The following SLC25A1 variants were observed in gnomAD, a reference collection of about 807,000 sequenced individuals.
The protein encoded by SLC25A1 is solute carrier family 25 member 1.
Under a neutral mutation model 38.1 loss-of-function variants are expected in SLC25A1, and 26 were observed. The observed-to-expected ratio is 0.68, with a 90% CI of 0.50 to 0.95. The LOEUF (loss-of-function observed/expected upper bound fraction) is 0.95, where lower values mean the gene tolerates loss of function less well. Ranked by LOEUF, SLC25A1 falls within the 40% of genes least tolerant of loss-of-function variation. SLC25A1 has a pLI of 0.00. For synonymous variants in SLC25A1, 211 were observed against 183.2 expected (o/e 1.15, Z -1.23); for missense variants, 378 against 426.6 (o/e 0.89, Z 1.00).
At chr22:19,176,729 C>G (rs912225982) in intron 6 of SLC25A1, 36 bp from the exon 7 acceptor site, 1 of 1,596,516 alleles carries the variant, frequency 6.3e-7, no homozygotes, top group Non-Finnish European at 8.6e-7. Flanking sequence ...TCAGAGGGTG[C>G]CGGGAGGGGC....
At position 19,178,126 on chromosome 22, in the gene SLC25A1, T is replaced by G. The variant is rs1601402431; in HGVS notation, c.202+7A>C. On this transcript the variant is annotated splice_region_variant and intron_variant, in intron 2 of 8. Transcript: ENST00000215882. The surrounding 1 kb of genome is among the most constrained non-coding windows in gnomAD (Gnocchi z 4.9). ...CCCCCGCGGCGCCGCGGCCTCCCCC[T>G]CCTCACCGATGCCCCGGTACCGCGG... 2 of 1,539,900 alleles carry G rather than the reference T, an allele frequency of 1.3e-6. No homozygotes were observed. Among genetic ancestry groups the G allele is most frequent in the Non-Finnish European group, 1.8e-6 (2 of 1,142,820 alleles).
rs566855654 is a variant in SLC25A1, at chr22:19,176,772, C to A, written c.631+74G>T. The A allele has an allele frequency of 2.9e-5, 47 of 1,597,730 alleles. No homozygotes were observed. In the East Asian group the frequency reaches 9.2e-4, roughly 31 times the overall value. On this transcript the variant is annotated intron_variant, in intron 6 of 8. Transcript: ENST00000215882. ...AGCACTTCAAAAGGTGGGTGCCCGC[C>A]ACCCAGGGGTGGCCCCAAGGAGAGG...
rs1038478368 is a variant in SLC25A1 at position 19,176,128 on chromosome 22, G to C, written c.*2C>G. 1 of 1,612,836 alleles carries C rather than the reference G, an allele frequency of 6.2e-7. No homozygotes were observed. The highest frequency in any genetic ancestry group is 1.3e-5 in the African/African-American group (1 of 74,908). On this transcript the variant is annotated 3_prime_UTR_variant, in exon 9 of 9. Coordinates refer to ENST00000215882, the MANE Select transcript of SLC25A1 (RefSeq NM_005984.5). ...GGCGGTCCCCTTGCGGCCTCTCTAG[G>C]CTTAGTCCGTCTTCCACACTTTGTT...
chr22:19,178,069 C>T lies in SLC25A1; in HGVS notation c.203-28G>A. 1 of 1,554,844 alleles carries T rather than the reference C, an allele frequency of 6.4e-7. No individual in the cohort carries two copies. The highest frequency in any genetic ancestry group is 8.7e-7 in the Non-Finnish European group (1 of 1,152,010). On this transcript the variant is annotated intron_variant, in intron 2 of 8. Transcript: ENST00000215882. This position sits in a 1 kb window ranked among gnomAD's most constrained non-coding sequence, Gnocchi z 4.9. Reference sequence around the variant, plus strand: ...GGGGGAGGGGGCGGTCAGGACCCCACGGCCCTCGGTGCCGCCGCCCTGGGT... The same window carrying T: ...GGGGGAGGGGGCGGTCAGGACCCCATGGCCCTCGGTGCCGCCGCCCTGGGT...
rs2083947646 is a variant in SLC25A1 at position 19,175,699 on chromosome 22, G to C, written c.*431C>G. 1 of 213,112 alleles carries C rather than the reference G, an allele frequency of 4.7e-6. No homozygotes were observed. Among genetic ancestry groups the C allele is most frequent in the Non-Finnish European group, 9.4e-6 (1 of 106,362 alleles). The allele number at this position is 213,112 out of a possible 1,614,324, so 13.2% of individuals were successfully genotyped here. A position where few individuals can be genotyped will look rare whatever the true frequency, so the allele number is the denominator to read the frequency against. On this transcript the variant is annotated 3_prime_UTR_variant, in exon 9 of 9. Coordinates refer to ENST00000215882, the MANE Select transcript of SLC25A1 (RefSeq NM_005984.5). ...GTTAAGGCCAATGGCGGGAGAAGCA[G>C]GGGGCTGCAGCCCCTGGAATGCGGT...
chr22:19,175,647 CG>C lies in SLC25A1; in HGVS notation c.*482del. On this transcript the variant is annotated 3_prime_UTR_variant, in exon 9 of 9. Transcript: ENST00000215882. The stretch of plus-strand genomic sequence containing the variant: ...TGAGAGTGGTGGGTGCCACCCTGTC[CG>C]GGGCGGAGAGAGGGCCCGAGGGCCA... 1 of 214,870 alleles carries C rather than the reference CG, an allele frequency of 4.7e-6. No individual in the cohort carries two copies. Among genetic ancestry groups the C allele is most frequent in the South Asian group, 7.3e-5 (1 of 13,608 alleles). 13.3% of individuals were successfully genotyped at this position (214,870 alleles called of 1,614,324 possible).
At position 19,176,051 on chromosome 22, in the gene SLC25A1, A is replaced by T; in HGVS notation, c.*79T>A. On this transcript the variant is annotated 3_prime_UTR_variant, in exon 9 of 9. Coordinates refer to ENST00000215882, the MANE Select transcript of SLC25A1 (RefSeq NM_005984.5). ...ACGTGGGAAGGGGCCTTTTGGCACT[A>T]CTGCACTGGAATCGTGAGACAAAGG... 9.0e-7 allele frequency: 1 copy of T among 1,113,988 alleles called. No individual in the cohort carries two copies. Among genetic ancestry groups the T allele is most frequent in the Non-Finnish European group, 1.3e-6 (1 of 767,754 alleles). The allele number at this position is 1,113,988 out of a possible 1,614,324, so 69.0% of individuals were successfully genotyped here.
intron 6 of SLC25A1, 32 bp downstream of exon 6, chr22:19,176,814 T>G: frequency 6.2e-7 from 1 of 1,609,530 alleles, no homozygotes; most frequent in Non-Finnish European, 8.5e-7. Flanking sequence ...GCTGGCCATG[T>G]GCAGAGATGG....
chr22:19,177,715 G>C lies in SLC25A1; in HGVS notation c.441+12C>G. The C allele has an allele frequency of 6.2e-7, 1 of 1,605,900 alleles. No homozygotes were observed. Among genetic ancestry groups the C allele is most frequent in the Non-Finnish European group, 8.5e-7 (1 of 1,179,420 alleles). On this transcript the variant is annotated intron_variant, in intron 4 of 8. Transcript: ENST00000215882. ...CCTGCGTGTCCGGGGTCCTCGCCAGGACCTTCCCCACCTTGATGGTCTCCA... is the reference window on the plus strand; with the variant it reads ...CCTGCGTGTCCGGGGTCCTCGCCAGCACCTTCCCCACCTTGATGGTCTCCA...
At position 19,175,622 on chromosome 22, in the gene SLC25A1, TGA is replaced by T. The variant is rs1555922022; in HGVS notation, c.*506_*507del. The T allele has an allele frequency of 5.1e-6, 1 of 196,838 alleles. No homozygotes were observed. The highest frequency in any genetic ancestry group is 2.3e-5 in the African/African-American group (1 of 42,554). 12.2% of individuals were successfully genotyped at this position (196,838 alleles called of 1,614,324 possible). On this transcript the variant is annotated 3_prime_UTR_variant, in exon 9 of 9. Transcript: ENST00000215882. ...TTATTCTGCCTTGGCAGGGTGGTCC[TGA>T]GAGTGGTGGGTGCCACCCTGTCCGG...
chr22:19,177,296 G>T (rs2083976014), intron 4 of SLC25A1, 92 bp from the exon 5 acceptor site: 5 of 1,020,240 alleles, frequency 4.9e-6, no homozygotes, highest in Non-Finnish European at 7.5e-6. Flanking sequence ...AGGGTGGAGG[G>T]AACTGGGAAC....
Position 19,177,789 on chromosome 22 carries a change from A to C in SLC25A1, c.379T>G (p.Cys127Gly). Reference protein sequence around the residue: ...GRLDSTRGLLCGLGAGVAEAV... With the variant: ...GRLDSTRGLLGGLGAGVAEAV... Reference sequence around the variant, plus strand: ...TCGGCCACGCCAGCGCCCAGGCCGCACAGCAGCCCACGCGTGCTGTCCAGC... The same window carrying C: ...TCGGCCACGCCAGCGCCCAGGCCGCCCAGCAGCCCACGCGTGCTGTCCAGC... Residue 127 changes from cysteine to glycine, a missense_variant, in exon 4 of 9, where the codon TGC becomes GGC. Transcript: ENST00000215882. 1 of 1,610,516 alleles carries C rather than the reference A, an allele frequency of 6.2e-7. No individual in the cohort carries two copies. Among genetic ancestry groups the C allele is most frequent in the South Asian group, 1.1e-5 (1 of 90,964 alleles).
In SLC25A1 at chr22:19,176,349, C is replaced by T. The variant is rs2083959226; in HGVS notation, c.821+72G>A. ...GAGAGGCACAGAGGCCTGAAGGGGA[C>T]AGAGTGGGCAGGCCAGGTAGGCCGG... On this transcript the variant is annotated intron_variant, in intron 8 of 8. Transcript: ENST00000215882. The T allele has an allele frequency of 3.2e-6, 5 of 1,567,774 alleles. No homozygotes were observed. In the Admixed American group the frequency reaches 6.7e-5, roughly 21 times the overall value.
chr22:19,176,370 G>A, intron 8 of SLC25A1, 51 bp downstream of exon 8: 1 of 1,594,922 alleles, frequency 6.3e-7, no homozygotes, highest in Non-Finnish European at 8.6e-7. Context: ...GGCCAGGTAG[G>A]CCGGGAAAGG....
In SLC25A1 at chr22:19,178,484, G is replaced by A. The variant is rs112198122; in HGVS notation, c.94+96C>T. ...AGGACCGCGCCTCCACGACTCCCCAGCCCACGGCCCAACCCGGAAGTGGGG... is the reference window on the plus strand; with the variant it reads ...AGGACCGCGCCTCCACGACTCCCCAACCCACGGCCCAACCCGGAAGTGGGG... On this transcript the variant is annotated intron_variant, in intron 1 of 8. Coordinates refer to ENST00000215882, the MANE Select transcript of SLC25A1 (RefSeq NM_005984.5). This position sits in a 1 kb window ranked among gnomAD's most constrained non-coding sequence, Gnocchi z 4.9. 0.076 allele frequency: 101,794 copies of A among 1,335,326 alleles called. 4,164 individuals are homozygous for A. The highest frequency in any genetic ancestry group is 0.13 in the Middle Eastern group (509 of 3,858). The allele number at this position is 1,335,326 out of a possible 1,614,324, so 82.7% of individuals were successfully genotyped here.
Position 19,177,759 on chromosome 22 carries a change from C to T in SLC25A1, c.409G>A (p.Val137Met), listed in dbSNP as rs782226268. 1.9e-6 allele frequency: 3 copies of T among 1,609,248 alleles called. No homozygotes were observed. The highest frequency in any genetic ancestry group is 2.2e-5 in the South Asian group (2 of 90,978). Residue 137 changes from valine (V) to methionine (M), a missense_variant, in exon 4 of 9, where the codon GTG becomes ATG. Transcript: ENST00000215882. ...GTCTCCATGGGGCACACGACCACCA[C>T]GGCCTCGGCCACGCCAGCGCCCAGG... Reference protein sequence around the residue: ...CGLGAGVAEAVVVVCPMETIK... With the variant: ...CGLGAGVAEAMVVVCPMETIK...
chr22:19,178,554 G>A lies in SLC25A1; in HGVS notation c.94+26C>T. On this transcript the variant is annotated intron_variant, in intron 1 of 8. Coordinates refer to ENST00000215882, the MANE Select transcript of SLC25A1 (RefSeq NM_005984.5). The surrounding 1 kb of genome is among the most constrained non-coding windows in gnomAD (Gnocchi z 4.9). ...GCCCACCCAGAAGCGCGGCGGGAGA[G>A]GGGTCCGCGTCCCGGAGGGGCCCAC... 8.0e-7 allele frequency: 1 copy of A among 1,250,416 alleles called. No individual in the cohort carries two copies. The highest frequency in any genetic ancestry group is 1.0e-6 in the Non-Finnish European group (1 of 998,420). 77.5% of individuals were successfully genotyped at this position (1,250,416 alleles called of 1,614,324 possible).
chr22:19,177,581 A>AG (rs2083981359), intron 4 of SLC25A1, 146 bp downstream of exon 4: 1 of 1,105,262 alleles, frequency 9.0e-7, no homozygotes, highest in Non-Finnish European at 1.3e-6. Context: ...GTCCTGCCCC[A>AG]GGGCCCCGCG....
Position 19,175,966 on chromosome 22 carries a change from CAG to C in SLC25A1, c.*162_*163del. On this transcript the variant is annotated 3_prime_UTR_variant, in exon 9 of 9. Coordinates refer to ENST00000215882, the MANE Select transcript of SLC25A1 (RefSeq NM_005984.5). ...CAGTGGTGGTGTCACACACAGACCACAGGGGGGACACATGGATTTGACAGCCA... is the reference window on the plus strand; with the variant it reads ...CAGTGGTGGTGTCACACACAGACCACGGGGGACACATGGATTTGACAGCCA... The C allele has an allele frequency of 1.8e-6, 1 of 562,990 alleles. No individual in the cohort carries two copies. The highest frequency in any genetic ancestry group is 1.8e-5 in the South Asian group (1 of 55,144). The allele number at this position is 562,990 out of a possible 1,614,324, so 34.9% of individuals were successfully genotyped here.
Sources: gnomAD v4.1 joint callset for allele counts on GRCh38, gnomAD v4.1.1 for gene constraint, Gnocchi (gnomAD v3.1) non-coding constraint, MANE v1.5 for transcripts, NCBI Gene and HGNC (gene_info 2026-07-23, HGNC 2026-07-21) for gene names.